Variants in STXBP5 observed in about 807,000 individuals in gnomAD.
STXBP5 encodes syntaxin binding protein 5.
Under a neutral mutation model 152.4 loss-of-function variants are expected in STXBP5, and 50 were observed. That is an observed-to-expected ratio of 0.33 (90% CI 0.26 to 0.42). The LOEUF is 0.42. Ranked by LOEUF, STXBP5 falls within the 10% of genes least tolerant of loss-of-function variation. The pLI is 1.00. For missense variants in STXBP5, 1,167 were observed against 1,388.6 expected, an observed-to-expected ratio of 0.84 and a Z score of 2.54; for synonymous variants, 492 against 494.7, an observed-to-expected ratio of 0.99 and a Z score of 0.07.
At position 147,382,271 on chromosome 6, in the gene STXBP5, AT is replaced by A. The variant is rs59088493; in HGVS notation, c.3194-502del. Among the ~76,000 whole-genome samples the A allele has an allele frequency of 7.2e-3, 1,103 of 152,244 alleles. 14 individuals carry two copies. Among genetic ancestry groups the A allele is most frequent in the African/African-American group, 0.025 (1,058 of 41,554 alleles). Reference sequence around the variant, plus strand: ...AAGAAAAGAATATAGCATGCCTACAATTTTTGGAGACCGAAATAGACTACTG... The same window carrying A: ...AAGAAAAGAATATAGCATGCCTACAATTTTGGAGACCGAAATAGACTACTG... On this transcript the variant is annotated intron_variant, in intron 26 of 27. Transcript: ENST00000321680.
chr6:147,375,181 A>G (rs1320673686), intron 26 of STXBP5, among the ~76,000 whole-genome samples: 1 of 152,228 alleles, frequency 6.6e-6, no homozygotes, highest in African/African-American at 2.4e-5. Flanking sequence ...AATCAACAGC[A>G]TGATTAATAA....
At chr6:147,315,062 A>G (rs1479796411) in intron 14 of STXBP5, among the ~76,000 whole-genome samples, 1 of 152,150 alleles carries the variant, frequency 6.6e-6, no homozygotes, top group Non-Finnish European at 1.5e-5. Context: ...TAATGTTTCA[A>G]AACACACATG....
intron 16 of STXBP5, among the ~76,000 whole-genome samples, chr6:147,323,834 G>C (rs531878575): frequency 6.6e-6 from 1 of 152,320 alleles, no homozygotes; most frequent in East Asian, 1.9e-4. Flanking sequence ...GACAGCTGGT[G>C]AGTAACAGAA....
chr6:147,288,409 A>G (rs567804040), intron 8 of STXBP5, among the ~76,000 whole-genome samples: 7 of 152,252 alleles, frequency 4.6e-5, no homozygotes, highest in African/African-American at 1.7e-4. Flanking sequence ...CTGGGTAGCT[A>G]GGGGATAGAA....
At chr6:147,323,644 G>A (rs1399317329) in intron 16 of STXBP5, among the ~76,000 whole-genome samples, 7 of 152,052 alleles carry the variant, frequency 4.6e-5, no homozygotes, top group African/African-American at 1.2e-4. Flanking sequence ...TGCCCACCTC[G>A]GCCTCCCAAA....
At chr6:147,283,262 A>G (rs1160697301) in intron 8 of STXBP5, among the ~76,000 whole-genome samples, 1 of 152,218 alleles carries the variant, frequency 6.6e-6, no homozygotes, top group Non-Finnish European at 1.5e-5. Context: ...AAATTCACCT[A>G]AGTACGTCAG....
At chr6:147,211,935 T>C (rs1339384153) in intron 2 of STXBP5, among the ~76,000 whole-genome samples, 1 of 152,184 alleles carries the variant, frequency 6.6e-6, no homozygotes, top group Non-Finnish European at 1.5e-5. Context: ...TTTTTGTTCA[T>C]GGAAGAGTTC....
chr6:147,381,334 A>G (rs1204551076), intron 26 of STXBP5, among the ~76,000 whole-genome samples: 4 of 152,162 alleles, frequency 2.6e-5, no homozygotes, highest in Non-Finnish European at 5.9e-5. Context: ...ACAATGTGAT[A>G]CCACTTCAAA....
chr6:147,311,144 T>C (rs999448369), intron 10 of STXBP5, among the ~76,000 whole-genome samples: 4 of 152,324 alleles, frequency 2.6e-5, no homozygotes, highest in African/African-American at 9.6e-5. Flanking sequence ...TGAGATTAAA[T>C]GATAACTGTT....
intron 2 of STXBP5, among the ~76,000 whole-genome samples, chr6:147,215,886 T>C (rs954198950): frequency 6.6e-6 from 1 of 152,192 alleles, no homozygotes; most frequent in Non-Finnish European, 1.5e-5. Context: ...CTTGACTTCC[T>C]AATTTTAATT....
intron 4 of STXBP5, among the ~76,000 whole-genome samples, chr6:147,256,980 A>G (rs1779399780): frequency 1.3e-5 from 2 of 152,132 alleles, no homozygotes; most frequent in Admixed American, 6.5e-5. Flanking sequence ...GTGCTTGACT[A>G]CATAATATTT....
intron 4 of STXBP5, among the ~76,000 whole-genome samples, chr6:147,252,533 A>G (rs562198203): frequency 9.9e-5 from 15 of 152,234 alleles, no homozygotes; most frequent in South Asian, 2.1e-4. Flanking sequence ...AGAAAAAAGA[A>G]TGACAAGGAA....
chr6:147,291,660 A>G (rs1267242214), intron 9 of STXBP5, among the ~76,000 whole-genome samples: 4 of 152,160 alleles, frequency 2.6e-5, no homozygotes, highest in African/African-American at 4.8e-5. Context: ...GATTGTCACT[A>G]TATGAATTAC....
chr6:147,258,310 A>G lies in STXBP5; in HGVS notation c.432-2305A>G, dbSNP rs1317397145. Reference sequence around the variant, plus strand: ...GATTTCTATTGCATGTGACTCAAACATTTCCTTAAAAAAAGATTTCTTGTG... The same window carrying G: ...GATTTCTATTGCATGTGACTCAAACGTTTCCTTAAAAAAAGATTTCTTGTG... On this transcript the variant is annotated intron_variant, in intron 4 of 27. Transcript: ENST00000321680. Among the ~76,000 whole-genome samples the G allele has an allele frequency of 2.0e-5, 3 of 152,308 alleles. 1 individual carries two copies. Among genetic ancestry groups the G allele is most frequent in the East Asian group, 3.9e-4 (2 of 5,182 alleles).
chr6:147,277,679 T>G (rs1373177537), intron 7 of STXBP5, among the ~76,000 whole-genome samples: 1 of 152,138 alleles, frequency 6.6e-6, no homozygotes, highest in Non-Finnish European at 1.5e-5. Context: ...AGGATCATGG[T>G]CAATTAACAC....
chr6:147,304,517 G>A (rs1480724258), intron 9 of STXBP5, among the ~76,000 whole-genome samples: 3 of 152,114 alleles, frequency 2.0e-5, no homozygotes, highest in African/African-American at 4.8e-5. Flanking sequence ...TGGAGTCGGT[G>A]CCCCCACACA....
intron 4 of STXBP5, among the ~76,000 whole-genome samples, chr6:147,252,946 C>CTA (rs1779171758): frequency 6.6e-6 from 1 of 152,170 alleles, no homozygotes. Context: ...GGACTCCTCT[C>CTA]TAACTCATTT....
chr6:147,315,933 A>G (rs1026203222), intron 15 of STXBP5, among the ~76,000 whole-genome samples, 198 bp downstream of exon 15: 4 of 152,210 alleles, frequency 2.6e-5, no homozygotes, highest in African/African-American at 7.2e-5. Flanking sequence ...ATCCTTAAGT[A>G]TAGGATATGT....
chr6:147,216,734 T>A (rs1777187458), intron 2 of STXBP5, among the ~76,000 whole-genome samples: 1 of 152,196 alleles, frequency 6.6e-6, no homozygotes, highest in Non-Finnish European at 1.5e-5. Context: ...GCTGAGCATA[T>A]TTCTTTATAT....
Sources: allele counts gnomAD v4.1 joint callset (sites outside exome capture counted in the v4.1 genomes callset), GRCh38; gene constraint gnomAD v4.1.1; transcripts MANE v1.5; gene names NCBI Gene and HGNC (gene_info 2026-07-23, HGNC 2026-07-21).